Variants in LCP1 observed in about 807,000 individuals in gnomAD.
LCP1 encodes the protein lymphocyte cytosolic protein 1.
In LCP1, 23 loss-of-function variants were observed where a neutral mutation model predicts 72.0. The ratio of observed to expected loss-of-function variants is 0.32; its 90% CI spans 0.23 to 0.45. The LOEUF is 0.45. Among genes scored for constraint, LCP1 ranks in the 20% least tolerant of loss-of-function variants. LCP1 has a pLI of 1.00. For missense variants in LCP1, 571 were observed against 748.3 expected (o/e 0.76, Z 2.76); for synonymous variants, 245 against 275.4 (o/e 0.89, Z 1.09).
intron 11 of LCP1, 59 bp downstream of exon 11, chr13:46,144,383 T>A: frequency 1.6e-6 from 2 of 1,275,286 alleles, no homozygotes; most frequent in Non-Finnish European, 2.3e-6. Context: ...GTATTTGGAA[T>A]CCTATGGCTC....
intron 6 of LCP1, among the ~76,000 whole-genome samples, chr13:46,154,555 T>C (rs1364634136): frequency 6.6e-6 from 1 of 152,224 alleles, no homozygotes; most frequent in Non-Finnish European, 1.5e-5. Flanking sequence ...GTTAAAACTT[T>C]AGCCAAAGTG....
intron 1 of LCP1, among the ~76,000 whole-genome samples, 174 bp downstream of exon 1, chr13:46,181,937 C>T (rs939289250): frequency 6.6e-6 from 1 of 152,116 alleles, no homozygotes. Flanking sequence ...TGGATGGCCA[C>T]GCGAGGTGGC....
intron 1 of LCP1, among the ~76,000 whole-genome samples, chr13:46,179,067 T>C (rs9567636): frequency 0.037 from 5,704 of 152,328 alleles, 178 homozygotes; most frequent in East Asian, 0.15. Flanking sequence ...AGGCCCATTA[T>C]TGGGTATATA....
At position 46,127,485 on chromosome 13, in the gene LCP1, A is replaced by G; in HGVS notation, c.*106T>C. 7.1e-7 allele frequency: 1 copy of G among 1,412,556 alleles called. No homozygotes were observed. The highest frequency in any genetic ancestry group is 9.7e-7 in the Non-Finnish European group (1 of 1,027,034). 87.5% of individuals were successfully genotyped at this position (1,412,556 alleles called of 1,614,324 possible). ...TAATATGTGCTTTTTGGAATCTTAT[A>G]GAGTGTCACCAAGTTGAACTTTGGA... On this transcript the variant is annotated 3_prime_UTR_variant, in exon 16 of 16. Transcript: ENST00000323076.
chr13:46,127,579 C>T lies in LCP1; in HGVS notation c.*12G>A. ...AGTGAGTGCACCGCCTCCCACCCAG[C>T]CCCATTGGGCCTCACACCCTCTTCA... On this transcript the variant is annotated 3_prime_UTR_variant, in exon 16 of 16. Transcript: ENST00000323076. The T allele has an allele frequency of 1.2e-6, 2 of 1,613,990 alleles. No individual in the cohort carries two copies.
At position 46,161,267 on chromosome 13, in the gene LCP1, C is replaced by G. The variant is rs116119361; in HGVS notation, c.-24-1581G>C. ...TATCTTATCTCCTTGTCACCTTCAT[C>G]TGTGGGAACTCCAGGGAGCATGATT... On this transcript the variant is annotated intron_variant, in intron 1 of 15. Coordinates refer to ENST00000323076, the MANE Select transcript of LCP1 (RefSeq NM_002298.5). Among the ~76,000 whole-genome samples the G allele has an allele frequency of 5.3e-3, 804 of 152,284 alleles. 3 individuals carry two copies. Among genetic ancestry groups the G allele is most frequent in the African/African-American group, 0.019 (775 of 41,550 alleles).
At chr13:46,164,610 A>T (rs55675653) in intron 1 of LCP1, among the ~76,000 whole-genome samples, 1,688 of 152,348 alleles carry the variant, frequency 0.011, 36 homozygotes, top group African/African-American at 0.037. Flanking sequence ...AACTTAGTTT[A>T]AAAGGTAAAG....
rs2045600570 is a variant in LCP1 at position 46,126,705 on chromosome 13, A to C, written c.*886T>G. 4.3e-6 allele frequency: 1 copy of C among 231,542 alleles called. No individual in the cohort carries two copies. The highest frequency in any genetic ancestry group is 8.5e-6 in the Non-Finnish European group (1 of 117,038). The allele number at this position is 231,542 out of a possible 1,614,324, so 14.3% of individuals were successfully genotyped here. On this transcript the variant is annotated 3_prime_UTR_variant, in exon 16 of 16. Coordinates refer to ENST00000323076, the MANE Select transcript of LCP1 (RefSeq NM_002298.5). Reference sequence around the variant, plus strand: ...GAGGGCTAAATGCCTGGAGAGGCAGAACCCTAAAGGATGCTTAGTTATAGC... The same window carrying C: ...GAGGGCTAAATGCCTGGAGAGGCAGCACCCTAAAGGATGCTTAGTTATAGC...
At position 46,147,108 on chromosome 13, in the gene LCP1, A is replaced by G; in HGVS notation, c.979-5T>C. The G allele has an allele frequency of 6.4e-7, 1 of 1,571,948 alleles. No homozygotes were observed. Among genetic ancestry groups the G allele is most frequent in the South Asian group, 1.2e-5 (1 of 84,224 alleles). On this transcript the variant is annotated splice_region_variant and splice_polypyrimidine_tract_variant and intron_variant, in intron 9 of 15. Coordinates refer to ENST00000323076, the MANE Select transcript of LCP1 (RefSeq NM_002298.5). ...CCTCTGGATGTCATCCTTCTCCTGC[A>G]ATGCAAAAGGATGTCTCAGGGCTGG...
rs553642046 is a variant in LCP1 at position 46,136,696 on chromosome 13, T to A, written c.1503-2446A>T. ...TCTTATTTCCAGATAGCATGCATAT[T>A]AAGTTATTAGCATTTACTGTAACAT... On this transcript the variant is annotated intron_variant, in intron 13 of 15. Transcript: ENST00000323076. 2.0e-5 allele frequency among the ~76,000 whole-genome samples: 3 copies of A among 152,314 alleles called. No individual in the cohort carries two copies. The East Asian group carries it at 5.8e-4, about 29-fold the overall frequency.
At chr13:46,166,287 A>G (rs2045875911) in intron 1 of LCP1, among the ~76,000 whole-genome samples, 1 of 152,214 alleles carries the variant, frequency 6.6e-6, no homozygotes, top group South Asian at 2.1e-4. Flanking sequence ...AAGGCTAGAA[A>G]AGGTGACCTG....
Position 46,159,602 on chromosome 13 carries a change from C to T in LCP1, c.61G>A (p.Val21Ile). 1 of 1,614,004 alleles carries T rather than the reference C, an allele frequency of 6.2e-7. No individual in the cohort carries two copies. The highest frequency in any genetic ancestry group is 8.5e-7 in the Non-Finnish European group (1 of 1,179,862). Residue 21 changes from valine to isoleucine, a missense_variant, in exon 2 of 16, where the codon GTT becomes ATT. Coordinates refer to ENST00000323076, the MANE Select transcript of LCP1 (RefSeq NM_002298.5). ...MMELREAFAK[V>I]DTDGNGYISF... ...TTGGGGTACCAGGTCTACTCACCAA[C>T]TTTGGCAAAAGCTTCTCTGAGCTCC...
intron 14 of LCP1, among the ~76,000 whole-genome samples, chr13:46,131,866 T>G (rs1449000408): frequency 6.6e-5 from 10 of 151,166 alleles, no homozygotes; most frequent in South Asian, 2.1e-4. Flanking sequence ...AGGGGGAGGG[T>G]GGAAGTGGGT....
intron 8 of LCP1, among the ~76,000 whole-genome samples, chr13:46,150,033 C>T (rs905752990): frequency 6.6e-6 from 1 of 152,184 alleles, no homozygotes; most frequent in African/African-American, 2.4e-5. Flanking sequence ...CTGACACACG[C>T]TGAGTTCTAA....
intron 15 of LCP1, among the ~76,000 whole-genome samples, chr13:46,129,588 A>G (rs1385888042): frequency 6.6e-6 from 1 of 151,974 alleles, no homozygotes; most frequent in East Asian, 1.9e-4. Flanking sequence ...TTTTAGTTTA[A>G]TTATTTATTT....
At chr13:46,147,733 C>T (rs944338339) in intron 9 of LCP1, among the ~76,000 whole-genome samples, 2 of 152,078 alleles carry the variant, frequency 1.3e-5, no homozygotes, top group Admixed American at 6.5e-5. Context: ...AATCTCTAGC[C>T]ATTTGTAAGT....
chr13:46,126,356 T>C lies in LCP1; in HGVS notation c.*1235A>G. 4.3e-6 allele frequency: 1 copy of C among 230,370 alleles called. No individual in the cohort carries two copies. The highest frequency in any genetic ancestry group is 8.6e-6 in the Non-Finnish European group (1 of 116,058). The allele number at this position is 230,370 out of a possible 1,614,324, so 14.3% of individuals were successfully genotyped here. Reference sequence around the variant, plus strand: ...ATGAGACCTGCTCAAATTCATACTGTTCTGGTTTTGCTTTGGAATTCTTTG... The same window carrying C: ...ATGAGACCTGCTCAAATTCATACTGCTCTGGTTTTGCTTTGGAATTCTTTG... On this transcript the variant is annotated 3_prime_UTR_variant, in exon 16 of 16. Transcript: ENST00000323076.
chr13:46,171,690 C>A (rs1422651098), intron 1 of LCP1, among the ~76,000 whole-genome samples: 1 of 152,140 alleles, frequency 6.6e-6, no homozygotes, highest in African/African-American at 2.4e-5. Context: ...GTCCAGTAAA[C>A]AAAATAGTCA....
At chr13:46,178,974 A>G (rs1174585422) in intron 1 of LCP1, among the ~76,000 whole-genome samples, 1 of 152,250 alleles carries the variant, frequency 6.6e-6, no homozygotes, top group African/African-American at 2.4e-5. Flanking sequence ...AACAAGGAGA[A>G]GTTGACTTGA....
Sources: allele counts gnomAD v4.1 joint callset (sites outside exome capture counted in the v4.1 genomes callset), GRCh38; gene constraint gnomAD v4.1.1; transcripts MANE v1.5; gene names NCBI Gene and HGNC (gene_info 2026-07-23, HGNC 2026-07-21).